SVOP: variants seen among roughly 807,000 people sequenced by gnomAD.
The protein encoded by SVOP is synaptic vesicle 2-related protein.
SVOP carries 17 observed loss-of-function variants against 69.1 expected under a neutral mutation model. That is an observed-to-expected ratio of 0.25 (90% CI 0.17 to 0.37). The LOEUF is 0.37. SVOP is among the 10% of genes least tolerant of loss of function. SVOP has a pLI of 1.00. For missense variants in SVOP, 435 were observed against 597.5 expected, an observed-to-expected ratio of 0.73 and a Z score of 2.84; for synonymous variants, 238 against 238.6, an observed-to-expected ratio of 1.00 and a Z score of 0.02.
chr12:108,984,105 T>A (rs1473337423), intron 1 of SVOP, among the ~76,000 whole-genome samples: 19 of 152,350 alleles, frequency 1.2e-4, no homozygotes, highest in South Asian at 4.1e-4. Flanking sequence ...TCTGTCTATA[T>A]CTAACATTTT....
In SVOP at chr12:108,913,604, A is replaced by G. The variant is rs114365918; in HGVS notation, c.1441-863T>C. 1.5e-3 allele frequency among the ~76,000 whole-genome samples: 224 copies of G among 152,274 alleles called. 1 individual carries two copies. Among genetic ancestry groups the G allele is most frequent in the African/African-American group, 5.2e-3 (217 of 41,542 alleles). On this transcript the variant is annotated intron_variant, in intron 15 of 15. Transcript: ENST00000610966. Reference sequence around the variant, plus strand: ...CTGGAACAGTGCAGTGCCTGTGCCAACTTCCTAGCTTTTGGCACATGGCAA... The same window carrying G: ...CTGGAACAGTGCAGTGCCTGTGCCAGCTTCCTAGCTTTTGGCACATGGCAA...
chr12:108,985,878 G>A (rs1388261404), intron 1 of SVOP, among the ~76,000 whole-genome samples: 1 of 152,186 alleles, frequency 6.6e-6, no homozygotes, highest in Non-Finnish European at 1.5e-5. Context: ...GGCATAGAAA[G>A]GGTAAATCTC....
rs576809963 is a variant in SVOP, at chr12:108,989,472, C to G, written c.36-5711G>C. ...AAGCTAAGAAAGGATGTAGCTCCTG[C>G]TGAAGTCTAGCCTCAGCCTGACCCC... On this transcript the variant is annotated intron_variant, in intron 1 of 15. Coordinates refer to ENST00000610966, the MANE Select transcript of SVOP (RefSeq NM_018711.5). 2.0e-3 allele frequency among the ~76,000 whole-genome samples: 300 copies of G among 152,056 alleles called. 4 individuals are homozygous for G. Among genetic ancestry groups the G allele is most frequent in the African/African-American group, 6.9e-3 (287 of 41,472 alleles).
chr12:109,006,933 C>G (rs1381598412), intron 1 of SVOP, among the ~76,000 whole-genome samples: 2 of 152,132 alleles, frequency 1.3e-5, no homozygotes, highest in South Asian at 4.2e-4. Flanking sequence ...AAAAAGATGG[C>G]TGCAGAGGAG....
intron 1 of SVOP, among the ~76,000 whole-genome samples, chr12:108,999,804 T>C (rs2040257489): frequency 6.7e-6 from 1 of 149,546 alleles, no homozygotes; most frequent in Non-Finnish European, 1.5e-5. Context: ...CTGGGACACA[T>C]TCAAAGCAGT....
intron 1 of SVOP, among the ~76,000 whole-genome samples, chr12:109,003,002 T>TAAAA (rs1329742648): frequency 7.6e-5 from 1 of 13,086 alleles, no homozygotes; most frequent in African/African-American, 8.6e-5. Context: ...AATAAATAAA[T>TAAAA]AAAAATAAAA....
chr12:108,921,507 C>T (rs986621568), intron 12 of SVOP, among the ~76,000 whole-genome samples: 1 of 151,726 alleles, frequency 6.6e-6, no homozygotes, highest in Admixed American at 6.6e-5. Flanking sequence ...AAGCAGTTGC[C>T]CACTACTGTG....
chr12:108,948,582 C>G (rs573504321), intron 6 of SVOP, among the ~76,000 whole-genome samples: 3 of 152,324 alleles, frequency 2.0e-5, no homozygotes, highest in Admixed American at 1.3e-4. Flanking sequence ...CCTGTTGGGA[C>G]AGTTTCACAG....
chr12:108,996,108 C>T (rs537145039), intron 1 of SVOP, among the ~76,000 whole-genome samples: 1 of 152,252 alleles, frequency 6.6e-6, no homozygotes, highest in South Asian at 2.1e-4. Context: ...TGGCTCATGC[C>T]TATAATCCTG....
At chr12:108,976,743 G>A (rs2040108664) in intron 4 of SVOP, among the ~76,000 whole-genome samples, 1 of 151,892 alleles carries the variant, frequency 6.6e-6, no homozygotes, top group Non-Finnish European at 1.5e-5. Context: ...AGCCTCCCGA[G>A]TAGCTGGGAT....
intron 7 of SVOP, among the ~76,000 whole-genome samples, chr12:108,943,317 G>C (rs912998075): frequency 6.6e-6 from 1 of 151,772 alleles, no homozygotes; most frequent in Non-Finnish European, 1.5e-5. Flanking sequence ...GACACCAGTA[G>C]CCGGGCGCAG....
In SVOP at chr12:108,912,543, G is replaced by C; in HGVS notation, c.1639C>G (p.Gln547Glu). Residue 547 changes from glutamine to glutamate, a missense_variant, in exon 16 of 16, where the codon CAG becomes GAG. Transcript: ENST00000610966. ...CAGTCCCCCATCGGTCACTATTCCT[G>C]AGAGCCAGAGTTCGACCTGGTAACA... ...AGVTRSNSGSQE is the reference protein window; with the variant it reads ...AGVTRSNSGSEE The C allele has an allele frequency of 6.2e-7, 1 of 1,613,752 alleles. No individual in the cohort carries two copies. The highest frequency in any genetic ancestry group is 1.1e-5 in the South Asian group (1 of 91,066).
chr12:108,953,870 G>T (rs2039970336), intron 6 of SVOP, among the ~76,000 whole-genome samples: 1 of 152,068 alleles, frequency 6.6e-6, no homozygotes, highest in Non-Finnish European at 1.5e-5. Flanking sequence ...CCAGCACTTT[G>T]GGAGGCTGAG....
At chr12:109,008,682 C>T (rs1156702827) in intron 1 of SVOP, among the ~76,000 whole-genome samples, 1 of 151,994 alleles carries the variant, frequency 6.6e-6, no homozygotes, top group Non-Finnish European at 1.5e-5. Context: ...ACCCTCATGC[C>T]CTAGGAGGTG....
At chr12:108,978,522 T>C in intron 3 of SVOP, 56 bp downstream of exon 3, 1 of 696,118 alleles carries the variant, frequency 1.4e-6, no homozygotes, top group Non-Finnish European at 2.6e-6. Context: ...GGAAACCCAG[T>C]TGAGCAGCAT....
intron 1 of SVOP, among the ~76,000 whole-genome samples, chr12:109,015,024 T>C (rs2040360390): frequency 6.6e-6 from 1 of 152,172 alleles, no homozygotes; most frequent in South Asian, 2.1e-4. Flanking sequence ...CATGCCCAGC[T>C]CAGGTATTTT....
chr12:108,973,035 T>C (rs1221816226), intron 4 of SVOP, among the ~76,000 whole-genome samples: 2 of 152,148 alleles, frequency 1.3e-5, no homozygotes, highest in African/African-American at 4.8e-5. Flanking sequence ...GAGGCTCAGA[T>C]AGATTAGAAA....
intron 6 of SVOP, among the ~76,000 whole-genome samples, chr12:108,954,079 A>C (rs1184769059): frequency 7.1e-6 from 1 of 140,664 alleles, no homozygotes; most frequent in Non-Finnish European, 1.5e-5. Flanking sequence ...ACACCACTGC[A>C]CTCCAGCCTG....
intron 5 of SVOP, among the ~76,000 whole-genome samples, chr12:108,971,476 C>A (rs144360288): frequency 4.7e-4 from 72 of 151,998 alleles, no homozygotes; most frequent in African/African-American, 1.5e-3. Flanking sequence ...CAAGATCACA[C>A]AGCCAGTAGT....
Sources: allele counts gnomAD v4.1 joint callset (sites outside exome capture counted in the v4.1 genomes callset), GRCh38; gene constraint gnomAD v4.1.1; transcripts MANE v1.5; gene names NCBI Gene and HGNC (gene_info 2026-07-23, HGNC 2026-07-21).